Variants in HS6ST3 observed in about 807,000 individuals in gnomAD.
HS6ST3 encodes the protein heparan-sulfate 6-O-sulfotransferase 3.
Under a neutral mutation model 36.7 loss-of-function variants are expected in HS6ST3, and 12 were observed. That is an observed-to-expected ratio of 0.33 (90% CI 0.21 to 0.53). The LOEUF (loss-of-function observed/expected upper bound fraction) is 0.53. HS6ST3 is among the 20% of genes least tolerant of loss of function. HS6ST3 has a pLI of 0.95. For missense variants in HS6ST3, 584 were observed against 640.9 expected (o/e 0.91, Z 0.96); for synonymous variants, 240 against 257.5 (o/e 0.93, Z 0.65).
At chr13:96,612,583 A>G (rs940425031) in intron 1 of HS6ST3, among the ~76,000 whole-genome samples, 1 of 152,090 alleles carries the variant, frequency 6.6e-6, no homozygotes, top group African/African-American at 2.4e-5. Context: ...AATGCTCACA[A>G]ATGAAGTTGT....
chr13:96,528,788 T>C (rs1243297428), intron 1 of HS6ST3, among the ~76,000 whole-genome samples: 1 of 152,154 alleles, frequency 6.6e-6, no homozygotes, highest in Non-Finnish European at 1.5e-5. Flanking sequence ...TTCGAACATA[T>C]TTGTCAGGAC....
intron 1 of HS6ST3, among the ~76,000 whole-genome samples, chr13:96,786,591 A>G (rs1566453569): frequency 6.6e-6 from 1 of 152,176 alleles, no homozygotes; most frequent in East Asian, 1.9e-4. Flanking sequence ...AGGATCTCCT[A>G]TTGGTGGTTA....
intron 1 of HS6ST3, among the ~76,000 whole-genome samples, chr13:96,531,274 G>A (rs2056134524): frequency 6.6e-6 from 1 of 152,118 alleles, no homozygotes; most frequent in Non-Finnish European, 1.5e-5. Flanking sequence ...TCCTGATTTG[G>A]TGACAAATTA....
chr13:96,137,445 T>TA, intron 1 of HS6ST3, among the ~76,000 whole-genome samples: 1 of 150,368 alleles, frequency 6.7e-6, no homozygotes, highest in East Asian at 1.9e-4. Flanking sequence ...CATTTTTTTT[T>TA]TTTTTTGAGA....
intron 1 of HS6ST3, among the ~76,000 whole-genome samples, chr13:96,598,271 G>T (rs1354478706): frequency 1.3e-5 from 2 of 152,006 alleles, no homozygotes; most frequent in Admixed American, 6.6e-5. Flanking sequence ...TGGGCAGTAT[G>T]GTCATTTTGA....
rs7997176 is a variant in HS6ST3, at chr13:96,280,748, A to G, written c.707+189179A>G. Among the ~76,000 whole-genome samples, 381 of 152,304 alleles carry G rather than the reference A, an allele frequency of 2.5e-3. 2 individuals are homozygous for G. The highest frequency in any genetic ancestry group is 8.8e-3 in the African/African-American group (364 of 41,572). ...GAGCTTTGTGGCCTGTGCAAAATTC[A>G]TGAAGATGTACCTCAACATGATAGC... On this transcript the variant is annotated intron_variant, in intron 1 of 1. Coordinates refer to ENST00000376705, the MANE Select transcript of HS6ST3 (RefSeq NM_153456.4).
chr13:96,686,270 G>T (rs1183289474), intron 1 of HS6ST3, among the ~76,000 whole-genome samples: 1 of 151,942 alleles, frequency 6.6e-6, no homozygotes, highest in African/African-American at 2.4e-5. Flanking sequence ...CAAGTGAAAA[G>T]ATATTTTTAT....
At chr13:96,132,170 ACAG>A (rs1364973498) in intron 1 of HS6ST3, among the ~76,000 whole-genome samples, 3 of 137,080 alleles carry the variant, frequency 2.2e-5, no homozygotes, top group Non-Finnish European at 4.7e-5. Context: ...ACACACACAC[ACAG>A]AGCGCATTTT....
intron 1 of HS6ST3, among the ~76,000 whole-genome samples, chr13:96,772,839 G>A (rs1336914990): frequency 6.6e-6 from 1 of 152,160 alleles, no homozygotes; most frequent in African/African-American, 2.4e-5. Context: ...TTTGGGAATG[G>A]AAGAAGTTTG....
intron 1 of HS6ST3, among the ~76,000 whole-genome samples, chr13:96,253,211 G>C (rs2054615993): frequency 6.6e-6 from 1 of 152,034 alleles, no homozygotes. Context: ...GTTGAGAACT[G>C]CAGGCCAGTT....
chr13:96,392,197 T>C (rs2055399273), intron 1 of HS6ST3, among the ~76,000 whole-genome samples: 1 of 152,232 alleles, frequency 6.6e-6, no homozygotes, highest in African/African-American at 2.4e-5. Context: ...AGCACATACC[T>C]GTAGGCTGAC....
chr13:96,241,203 A>C (rs1267734772), intron 1 of HS6ST3, among the ~76,000 whole-genome samples: 1 of 152,174 alleles, frequency 6.6e-6, no homozygotes, highest in Non-Finnish European at 1.5e-5. Flanking sequence ...CTGATCATTA[A>C]AATAATTTTT....
At chr13:96,477,553 C>T (rs558437863) in intron 1 of HS6ST3, among the ~76,000 whole-genome samples, 2 of 152,034 alleles carry the variant, frequency 1.3e-5, no homozygotes, top group South Asian at 4.1e-4. Context: ...ACTATCAAGT[C>T]TCATATATAC....
At chr13:96,487,789 T>C (rs1032598652) in intron 1 of HS6ST3, among the ~76,000 whole-genome samples, 1 of 152,168 alleles carries the variant, frequency 6.6e-6, no homozygotes, top group Admixed American at 6.6e-5. Context: ...CATCCCTTTT[T>C]AACATGAATT....
At position 96,647,316 on chromosome 13, in the gene HS6ST3, A is replaced by T. The variant is rs569202378; in HGVS notation, c.708-185174A>T. Among the ~76,000 whole-genome samples, 6 of 152,190 alleles carry T rather than the reference A, an allele frequency of 3.9e-5. No individual in the cohort carries two copies. The East Asian group carries it at 9.7e-4, about 25-fold the overall frequency. Reference sequence around the variant, plus strand: ...ATCTAAATAGAACTTTAAAAAAGTGATATCACATGTCTGGTTATCCACAAC... The same window carrying T: ...ATCTAAATAGAACTTTAAAAAAGTGTTATCACATGTCTGGTTATCCACAAC... On this transcript the variant is annotated intron_variant, in intron 1 of 1. Transcript: ENST00000376705.
At chr13:96,610,288 G>T (rs1227060975) in intron 1 of HS6ST3, among the ~76,000 whole-genome samples, 1 of 152,144 alleles carries the variant, frequency 6.6e-6, no homozygotes, top group Admixed American at 6.5e-5. Context: ...CAGAGTTTGT[G>T]TTCAATAAGT....
chr13:96,555,155 T>A (rs537741354), intron 1 of HS6ST3, among the ~76,000 whole-genome samples: 1 of 152,234 alleles, frequency 6.6e-6, no homozygotes, highest in South Asian at 2.1e-4. Context: ...GCTGTATGCT[T>A]GAAAATTGCT....
chr13:96,720,818 T>G (rs999853533), intron 1 of HS6ST3, among the ~76,000 whole-genome samples: 1 of 152,196 alleles, frequency 6.6e-6, no homozygotes, highest in African/African-American at 2.4e-5. Context: ...TTGCAGTATT[T>G]TGAAGTTGGC....
intron 1 of HS6ST3, among the ~76,000 whole-genome samples, chr13:96,698,642 G>A (rs569547296): frequency 6.5e-4 from 99 of 152,240 alleles, no homozygotes; most frequent in Non-Finnish European, 1.1e-3. Context: ...CCATGCTCAT[G>A]GATAGGAAGA....
Sources: gnomAD v4.1 joint callset for allele counts (sites outside exome capture counted in the v4.1 genomes callset) on GRCh38, gnomAD v4.1.1 for gene constraint, MANE v1.5 for transcripts, NCBI Gene and HGNC (gene_info 2026-07-23, HGNC 2026-07-21) for gene names.